The following PCSK5 variants were observed in gnomAD, a reference collection of about 807,000 sequenced individuals.
PCSK5 encodes proprotein convertase subtilisin/kexin type 5.
In PCSK5, 129 loss-of-function variants were observed where a neutral mutation model predicts 233.2. The ratio of observed to expected loss-of-function variants is 0.55; its 90% CI spans 0.48 to 0.64. PCSK5 has a LOEUF of 0.64. PCSK5 is among the 30% of genes least tolerant of loss of function. The probability of loss-of-function intolerance (pLI) is 0.00; values close to 1 mark genes in which losing one functional copy is unlikely to be tolerated. For synonymous variants in PCSK5, 825 were observed against 879.2 expected (o/e 0.94, Z 1.09); for missense variants, 2,076 against 2,430.1 (o/e 0.85, Z 3.06).
At chr9:75,918,556 A>G (rs1746831762) in intron 1 of PCSK5, among the ~76,000 whole-genome samples, 1 of 152,204 alleles carries the variant, frequency 6.6e-6, no homozygotes, top group African/African-American at 2.4e-5. Flanking sequence ...ACATCAAACT[A>G]TATACACCTT....
At chr9:76,035,897 G>A (rs1828842180) in intron 5 of PCSK5, among the ~76,000 whole-genome samples, 1 of 152,004 alleles carries the variant, frequency 6.6e-6, no homozygotes, top group Admixed American at 6.6e-5. Context: ...CATTGGAGAA[G>A]ACATCCAAGA....
At chr9:76,296,969 G>C in intron 27 of PCSK5, 104 bp downstream of exon 27, 1 of 747,298 alleles carries the variant, frequency 1.3e-6, no homozygotes, top group Non-Finnish European at 2.3e-6. Context: ...GAAAGGCTGT[G>C]CAGAAAAACA....
intron 2 of PCSK5, among the ~76,000 whole-genome samples, chr9:75,942,829 C>CTAACTA (rs1824374229): frequency 6.6e-6 from 1 of 151,422 alleles, no homozygotes; most frequent in Non-Finnish European, 1.5e-5. Context: ...AGGAAAGATA[C>CTAACTA]TAACTATAAA....
chr9:76,170,976 G>A (rs1823309251), intron 13 of PCSK5, among the ~76,000 whole-genome samples: 1 of 152,174 alleles, frequency 6.6e-6, no homozygotes, highest in Non-Finnish European at 1.5e-5. Context: ...CATAATCAGG[G>A]AGGTCAAAGC....
At chr9:75,943,155 G>A (rs1824400156) in intron 2 of PCSK5, among the ~76,000 whole-genome samples, 1 of 152,088 alleles carries the variant, frequency 6.6e-6, no homozygotes, top group Non-Finnish European at 1.5e-5. Context: ...AAAGTGCTGG[G>A]ATTACAAGCA....
chr9:75,907,407 A>C (rs1055423704), intron 1 of PCSK5, among the ~76,000 whole-genome samples: 1 of 152,214 alleles, frequency 6.6e-6, no homozygotes, highest in Non-Finnish European at 1.5e-5. Flanking sequence ...TGTTTATTCT[A>C]TAAAGGGGTA....
intron 10 of PCSK5, among the ~76,000 whole-genome samples, chr9:76,155,297 G>A (rs531580461): frequency 6.6e-6 from 1 of 152,108 alleles, no homozygotes; most frequent in South Asian, 2.1e-4. Context: ...AGGAAATTGT[G>A]TATTATTTTC....
At chr9:76,056,493 T>G (rs1164698708) in intron 5 of PCSK5, among the ~76,000 whole-genome samples, 2 of 152,216 alleles carry the variant, frequency 1.3e-5, no homozygotes, top group Non-Finnish European at 2.9e-5. Flanking sequence ...TCACCTAATT[T>G]GTATGTGTTC....
At chr9:76,285,396 G>C (rs1054452094) in intron 24 of PCSK5, among the ~76,000 whole-genome samples, 2 of 152,220 alleles carry the variant, frequency 1.3e-5, no homozygotes, top group Non-Finnish European at 1.5e-5. Context: ...AACCTAAGGA[G>C]TCTAGAACAC....
intron 24 of PCSK5, among the ~76,000 whole-genome samples, chr9:76,253,405 C>A (rs1405173086): frequency 6.6e-6 from 1 of 152,112 alleles, no homozygotes; most frequent in Non-Finnish European, 1.5e-5. Context: ...ATTTTGTATT[C>A]ATTAGAGCCT....
chr9:76,310,174 G>A (rs558078780), intron 29 of PCSK5, among the ~76,000 whole-genome samples: 2 of 151,994 alleles, frequency 1.3e-5, no homozygotes, highest in African/African-American at 4.8e-5. Context: ...CTTGAACCCG[G>A]GAGGCGGAGG....
chr9:76,108,714 C>T (rs1832083576), intron 9 of PCSK5, among the ~76,000 whole-genome samples: 1 of 152,198 alleles, frequency 6.6e-6, no homozygotes, highest in South Asian at 2.1e-4. Flanking sequence ...GATCGCCCCA[C>T]TGCACTCCAG....
At chr9:76,323,950 A>ATTT (rs1829286006) in intron 32 of PCSK5, among the ~76,000 whole-genome samples, 1 of 47,474 alleles carries the variant, frequency 2.1e-5, no homozygotes. Context: ...TTTTTTTTTG[A>ATTT]GACAGAGTCT....
chr9:76,007,376 T>G (rs183077418), intron 3 of PCSK5, among the ~76,000 whole-genome samples: 4 of 152,324 alleles, frequency 2.6e-5, no homozygotes, highest in African/African-American at 9.6e-5. Flanking sequence ...TACAGAACAT[T>G]GGGTAGATAT....
chr9:76,079,910 C>T (rs1806070905), intron 7 of PCSK5, among the ~76,000 whole-genome samples: 1 of 152,128 alleles, frequency 6.6e-6, no homozygotes, highest in African/African-American at 2.4e-5. Flanking sequence ...TTTTCTGTCT[C>T]TATTGAGTTA....
intron 10 of PCSK5, among the ~76,000 whole-genome samples, chr9:76,141,254 T>TACAC (rs893907824): frequency 7.3e-5 from 11 of 151,210 alleles, no homozygotes; most frequent in African/African-American, 2.7e-4. Context: ...CTTAGCAAAG[T>TACAC]ACACACACAC....
Position 76,184,672 on chromosome 9 carries a change from G to T in PCSK5, c.2198-1G>T. ...TTACAACTTTCTCTTTTTTTTAACAGAGAAAAATCTTTGCCGGAAATGCAG... is the reference window on the plus strand; with the variant it reads ...TTACAACTTTCTCTTTTTTTTAACATAGAAAAATCTTTGCCGGAAATGCAG... On this transcript the variant is annotated splice_acceptor_variant, in intron 16 of 37. Transcript: ENST00000674117. LOFTEE classifies it high-confidence loss of function. 1 of 1,599,584 alleles carries T rather than the reference G, an allele frequency of 6.3e-7. No individual in the cohort carries two copies. The highest frequency in any genetic ancestry group is 1.1e-5 in the South Asian group (1 of 90,110).
At chr9:76,309,617 C>G (rs1465789039) in intron 29 of PCSK5, among the ~76,000 whole-genome samples, 3 of 151,616 alleles carry the variant, frequency 2.0e-5, no homozygotes, top group Non-Finnish European at 4.4e-5. Flanking sequence ...TCACTTGAAC[C>G]TGGGAGGTAG....
intron 1 of PCSK5, among the ~76,000 whole-genome samples, chr9:75,896,668 A>G (rs921912202): frequency 1.3e-5 from 2 of 152,236 alleles, no homozygotes; most frequent in African/African-American, 4.8e-5. Context: ...GCTGGTAAAA[A>G]TAAATGCTTA....
Sources: gnomAD v4.1 joint callset for allele counts (sites outside exome capture counted in the v4.1 genomes callset) on GRCh38, gnomAD v4.1.1 for gene constraint, MANE v1.5 for transcripts, NCBI Gene and HGNC (gene_info 2026-07-23, HGNC 2026-07-21) for gene names.